The following XPNPEP1 variants were observed in gnomAD, a reference collection of about 807,000 sequenced individuals.
XPNPEP1 encodes xaa-Pro aminopeptidase 1.
In XPNPEP1, 39 loss-of-function variants were observed where a neutral mutation model predicts 92.4. That is an observed-to-expected ratio of 0.42 (90% CI 0.33 to 0.55). The LOEUF (loss-of-function observed/expected upper bound fraction) is 0.55. Among genes scored for constraint, XPNPEP1 ranks in the 20% least tolerant of loss-of-function variants. The pLI is 0.08. For synonymous variants in XPNPEP1, 307 were observed against 299.4 expected, an observed-to-expected ratio of 1.03 and a Z score of -0.26; for missense variants, 654 against 856.1, an observed-to-expected ratio of 0.76 and a Z score of 2.95.
At chr10:109,904,199 A>C (rs937048920) in intron 3 of XPNPEP1, among the ~76,000 whole-genome samples, 3 of 148,760 alleles carry the variant, frequency 2.0e-5, no homozygotes, top group Non-Finnish European at 3.0e-5. Flanking sequence ...AACCTCACCA[A>C]GTCTATCCTT....
intron 4 of XPNPEP1, among the ~76,000 whole-genome samples, 157 bp from the exon 5 acceptor site, chr10:109,891,983 A>G (rs1251021440): frequency 4.6e-5 from 7 of 152,206 alleles, no homozygotes; most frequent in Non-Finnish European, 2.9e-5. Flanking sequence ...GGGCAAGAGA[A>G]GACCACACTA....
At chr10:109,866,207 C>T (rs1011631635) in intron 20 of XPNPEP1, among the ~76,000 whole-genome samples, 3 of 152,212 alleles carry the variant, frequency 2.0e-5, no homozygotes, top group Admixed American at 6.5e-5. Flanking sequence ...AGAAGTACTG[C>T]TTTCAGGGAC....
chr10:109,887,724 A>G (rs1212179470), intron 7 of XPNPEP1, among the ~76,000 whole-genome samples: 2 of 152,234 alleles, frequency 1.3e-5, no homozygotes, highest in Non-Finnish European at 2.9e-5. Flanking sequence ...AGAAACCTCT[A>G]TGCTCTATTT....
At chr10:109,892,133 A>G (rs578213378) in intron 4 of XPNPEP1, among the ~76,000 whole-genome samples, 1 of 152,320 alleles carries the variant, frequency 6.6e-6, no homozygotes, top group East Asian at 1.9e-4. Context: ...ACCTATGGCC[A>G]AAGTGGTCTC....
At position 109,882,474 on chromosome 10, in the gene XPNPEP1, G is replaced by T; in HGVS notation, c.999C>A (p.Val333=). The part of the protein sequence containing the change: ...ADLSPREKVW[V]SDKASYAVSE... ...TCACAGCATAGCTGGCCTTGTCACT[G>T]ACCCACACCTTCTCCCTTGGGGAGA... Residue 333 remains valine (V), a synonymous_variant, in exon 10 of 21, where the codon GTC becomes GTA. Transcript: ENST00000502935. 2.5e-6 allele frequency: 4 copies of T among 1,614,162 alleles called. No individual in the cohort carries two copies. The highest frequency in any genetic ancestry group is 3.4e-6 in the Non-Finnish European group (4 of 1,180,004).
chr10:109,891,482 C>T lies in XPNPEP1; in HGVS notation c.415+240G>A, dbSNP rs928730313. On this transcript the variant is annotated intron_variant, in intron 5 of 20. Transcript: ENST00000502935. ...ATGTGATCTGCAGCAAATCAACTGT[C>T]CTCTCTAGCCCTCAGTTTCCCCTCA... The T allele has an allele frequency of 3.4e-4, 125 of 371,870 alleles. 2 individuals carry two copies. In the East Asian group the frequency reaches 4.0e-3, roughly 12 times the overall value. 23.0% of individuals were successfully genotyped at this position (371,870 alleles called of 1,614,324 possible).
At chr10:109,916,159 G>C (rs541427219) in intron 1 of XPNPEP1, among the ~76,000 whole-genome samples, 8 of 152,204 alleles carry the variant, frequency 5.3e-5, no homozygotes, top group Non-Finnish European at 7.3e-5. Context: ...AAGGAGGTAA[G>C]GGGAAGGATT....
chr10:109,907,173 A>G (rs1849600516), intron 3 of XPNPEP1, among the ~76,000 whole-genome samples: 1 of 152,184 alleles, frequency 6.6e-6, no homozygotes, highest in Non-Finnish European at 1.5e-5. Context: ...TCACTAAACC[A>G]TAAGCCTAGT....
rs1849344416 is a variant in XPNPEP1 at position 109,902,639 on chromosome 10, G to T, written c.246+5052C>A. On this transcript the variant is annotated intron_variant, in intron 3 of 20. Coordinates refer to ENST00000502935, the MANE Select transcript of XPNPEP1 (RefSeq NM_020383.4). ...AGAAATGACAGTTAAGATTATAAAA[G>T]AAAGAGTGGAGAGGGGTGATGAAGA... 2.0e-5 allele frequency among the ~76,000 whole-genome samples: 3 copies of T among 152,210 alleles called. No individual in the cohort carries two copies. The South Asian group carries it at 6.2e-4, about 32-fold the overall frequency.
chr10:109,880,752 T>C, intron 11 of XPNPEP1, 90 bp downstream of exon 11: 2 of 1,299,040 alleles, frequency 1.5e-6, no homozygotes, highest in East Asian at 2.5e-5. Context: ...ATTCTAACCT[T>C]GTGCCAGGCT....
rs1283741967 is a variant in XPNPEP1, at chr10:109,882,422, G to A, written c.1041+10C>T. The A allele has an allele frequency of 1.9e-6, 3 of 1,607,412 alleles. No homozygotes were observed. In the South Asian group the frequency reaches 3.3e-5, roughly 18 times the overall value. On this transcript the variant is annotated intron_variant, in intron 10 of 20. Coordinates refer to ENST00000502935, the MANE Select transcript of XPNPEP1 (RefSeq NM_020383.4). ...GCAGAGTTTAGATGGGCCAAAGTGG[G>A]GTCACCAACCTTGGGGATGGTCTCG...
intron 16 of XPNPEP1, among the ~76,000 whole-genome samples, chr10:109,872,679 GACAA>G (rs1847554806): frequency 6.6e-6 from 1 of 152,224 alleles, no homozygotes. Flanking sequence ...AGCTCTCTTG[GACAA>G]ACAGATTCAC....
rs1848500431 is a variant in XPNPEP1 at position 109,888,143 on chromosome 10, G to A, written c.558C>T (p.Leu186=). 6.2e-7 allele frequency: 1 copy of A among 1,613,940 alleles called. No homozygotes were observed. Among genetic ancestry groups the A allele is most frequent in the Non-Finnish European group, 8.5e-7 (1 of 1,180,026 alleles). The change falls in exon 7 of 21, where the codon CTC becomes CTT. Residue 186 remains leucine (L), a synonymous_variant. Transcript: ENST00000502935. ...AKVLRSAGHH[L]IPVKENLVDK... ...CAACGAGGTTCTCCTTGACAGGAAT[G>A]AGGTGATGGCCGGCACTTCTCAGAA...
intron 5 of XPNPEP1, among the ~76,000 whole-genome samples, chr10:109,888,969 G>A (rs1848557027): frequency 1.3e-5 from 2 of 152,124 alleles, no homozygotes; most frequent in African/African-American, 4.8e-5. Context: ...ATGAGAATTT[G>A]GGCAGTGATT....
chr10:109,885,906 G>A (rs776199353), intron 8 of XPNPEP1, among the ~76,000 whole-genome samples: 3 of 152,120 alleles, frequency 2.0e-5, no homozygotes, highest in Non-Finnish European at 4.4e-5. Context: ...AAGAAAGAAG[G>A]CCTCTCCTAT....
At chr10:109,915,794 T>C (rs374621787) in intron 1 of XPNPEP1, among the ~76,000 whole-genome samples, 5 of 152,232 alleles carry the variant, frequency 3.3e-5, no homozygotes, top group African/African-American at 1.2e-4. Context: ...ACACCAGGCA[T>C]GAAGGTCTAT....
At chr10:109,870,155 A>C in intron 18 of XPNPEP1, 126 bp from the exon 19 acceptor site, 1 of 1,040,590 alleles carries the variant, frequency 9.6e-7, no homozygotes, top group Non-Finnish European at 1.4e-6. Context: ...AGCCCACTCT[A>C]TCTGGTGTAA....
intron 1 of XPNPEP1, among the ~76,000 whole-genome samples, chr10:109,922,183 C>T (rs1006030503): frequency 1.3e-5 from 2 of 152,160 alleles, no homozygotes; most frequent in Admixed American, 6.5e-5. Context: ...GTAGGGGAGG[C>T]GCCTGTGGAA....
intron 20 of XPNPEP1, among the ~76,000 whole-genome samples, chr10:109,865,547 T>C (rs1043704554): frequency 2.0e-5 from 3 of 152,230 alleles, no homozygotes; most frequent in African/African-American, 7.2e-5. Flanking sequence ...AGTTTACTAT[T>C]ATAGACAGCA....
Sources: allele counts gnomAD v4.1 joint callset (sites outside exome capture counted in the v4.1 genomes callset), GRCh38; gene constraint gnomAD v4.1.1; transcripts MANE v1.5; gene names NCBI Gene and HGNC (gene_info 2026-07-23, HGNC 2026-07-21).